ADAMTSL1: variants seen among roughly 807,000 people sequenced by gnomAD.
The protein encoded by ADAMTSL1 is ADAMTS like 1.
Under a neutral mutation model 201.8 loss-of-function variants are expected in ADAMTSL1, and 126 were observed. The observed-to-expected ratio is 0.62, with a 90% CI of 0.54 to 0.72. The LOEUF is 0.72. Ranked by LOEUF, ADAMTSL1 falls within the 30% of genes least tolerant of loss-of-function variation. The pLI is 0.00. For synonymous variants in ADAMTSL1, 1,121 were observed against 903.4 expected (o/e 1.24, Z -4.32); for missense variants, 2,679 against 2,277.8 (o/e 1.18, Z -3.59).
chr9:18,083,948 T>C (rs191494772), intron 1 of ADAMTSL1, among the ~76,000 whole-genome samples: 27 of 152,312 alleles, frequency 1.8e-4, no homozygotes, highest in Non-Finnish European at 2.9e-4. Context: ...CTCTGTACTC[T>C]GGATGAGAGT....
chr9:18,787,985 G>C (rs1253890776), intron 19 of ADAMTSL1, among the ~76,000 whole-genome samples: 2 of 152,174 alleles, frequency 1.3e-5, no homozygotes, highest in South Asian at 4.1e-4. Context: ...AAGAAGACCA[G>C]GGTTAAGAAT....
At chr9:18,145,695 G>A (rs542051443) in intron 1 of ADAMTSL1, among the ~76,000 whole-genome samples, 1 of 152,230 alleles carries the variant, frequency 6.6e-6, no homozygotes, top group African/African-American at 2.4e-5. Context: ...TTGGTGATGA[G>A]TTTTAGATGT....
At chr9:18,144,184 T>C (rs1223507454) in intron 1 of ADAMTSL1, among the ~76,000 whole-genome samples, 2 of 123,022 alleles carry the variant, frequency 1.6e-5, no homozygotes, top group Non-Finnish European at 3.4e-5. Flanking sequence ...TAATAGTATA[T>C]ACATCTTTTT....
At chr9:18,510,292 G>A (rs779631273) in intron 2 of ADAMTSL1, among the ~76,000 whole-genome samples, 30 of 152,182 alleles carry the variant, frequency 2.0e-4, no homozygotes, top group Non-Finnish European at 3.2e-4. Flanking sequence ...TGGACCGGGA[G>A]CTTGTGAGGA....
rs1037718129 is a variant in ADAMTSL1, at chr9:18,905,945, A to G, written c.4961+54A>G. 3.5e-6 allele frequency: 5 copies of G among 1,433,054 alleles called. No homozygotes were observed. The African/African-American group carries it at 7.0e-5, about 20-fold the overall frequency. 88.8% of individuals were successfully genotyped at this position (1,433,054 alleles called of 1,614,324 possible). ...CCAGCCCCATGTCAACAGCACGGAA[A>G]GATGGTGCTGAGTGAATGTTTCTCC... On this transcript the variant is annotated intron_variant, in intron 27 of 28. Transcript: ENST00000380548.
At chr9:18,327,290 A>G (rs906725122) in intron 2 of ADAMTSL1, among the ~76,000 whole-genome samples, 1 of 152,236 alleles carries the variant, frequency 6.6e-6, no homozygotes, top group Non-Finnish European at 1.5e-5. Context: ...ATGTCACACT[A>G]TGGTTATGCT....
At chr9:18,776,700 C>T in intron 18 of ADAMTSL1, 81 bp from the exon 19 acceptor site, 2 of 1,411,664 alleles carry the variant, frequency 1.4e-6, no homozygotes, top group South Asian at 1.5e-5. Context: ...TCCTTTGCCC[C>T]TCTCTCCTGG....
intron 3 of ADAMTSL1, 99 bp downstream of exon 3, chr9:18,533,391 T>G (rs1819560019): frequency 1.1e-6 from 1 of 952,090 alleles, no homozygotes; most frequent in African/African-American, 1.7e-5. Flanking sequence ...CCAACTAGTA[T>G]TTCACTGAGA....
chr9:18,718,194 A>G, intron 14 of ADAMTSL1: 1 of 782,870 alleles, frequency 1.3e-6, no homozygotes, highest in Non-Finnish European at 2.4e-6. Context: ...ACCAACAAGA[A>G]TCATTGGAAC....
intron 2 of ADAMTSL1, among the ~76,000 whole-genome samples, chr9:18,318,233 A>G (rs1834482742): frequency 6.6e-6 from 1 of 152,200 alleles, no homozygotes; most frequent in African/African-American, 2.4e-5. Flanking sequence ...GAGAGAGGTC[A>G]TAGTTTATCT....
chr9:18,703,274 G>A (rs550239872), intron 13 of ADAMTSL1, among the ~76,000 whole-genome samples: 4 of 151,994 alleles, frequency 2.6e-5, no homozygotes, highest in Middle Eastern at 3.2e-3. Flanking sequence ...CACTGACCTC[G>A]CTTCCTCCCA....
chr9:18,363,982 G>A (rs1037853434), intron 2 of ADAMTSL1, among the ~76,000 whole-genome samples: 2 of 152,048 alleles, frequency 1.3e-5, no homozygotes, highest in African/African-American at 4.8e-5. Flanking sequence ...CACAGAACAC[G>A]TGAAGATACT....
At chr9:18,820,218 T>C (rs1458741478) in intron 21 of ADAMTSL1, among the ~76,000 whole-genome samples, 1 of 151,890 alleles carries the variant, frequency 6.6e-6, no homozygotes, top group Non-Finnish European at 1.5e-5. Context: ...TTATGGAGTA[T>C]TTAATCCAGG....
chr9:18,381,097 C>T (rs1587022443), intron 2 of ADAMTSL1, among the ~76,000 whole-genome samples: 1 of 152,274 alleles, frequency 6.6e-6, no homozygotes, highest in East Asian at 1.9e-4. Flanking sequence ...AAATGAAATG[C>T]ACTTGAATGG....
chr9:18,839,984 T>C (rs1338528272), intron 23 of ADAMTSL1, among the ~76,000 whole-genome samples: 2 of 150,470 alleles, frequency 1.3e-5, no homozygotes, highest in African/African-American at 4.9e-5. Context: ...ATTTTGTAGG[T>C]TGCCTGTTCA....
At chr9:17,995,592 G>A (rs1200509645) in intron 1 of ADAMTSL1, among the ~76,000 whole-genome samples, 2 of 152,022 alleles carry the variant, frequency 1.3e-5, no homozygotes, top group Admixed American at 6.6e-5. Context: ...ATTTACTTCA[G>A]CTTTATTATT....
chr9:18,693,113 T>G (rs1831332894), intron 13 of ADAMTSL1, among the ~76,000 whole-genome samples: 1 of 152,234 alleles, frequency 6.6e-6, no homozygotes, highest in Non-Finnish European at 1.5e-5. Context: ...TTTGGGTTTC[T>G]CTAACCTAGG....
intron 2 of ADAMTSL1, among the ~76,000 whole-genome samples, chr9:18,528,403 C>G (rs944700544): frequency 6.6e-6 from 1 of 152,098 alleles, no homozygotes; most frequent in African/African-American, 2.4e-5. Flanking sequence ...TACACGTGTT[C>G]TCACCCCTCA....
At chr9:18,516,205 T>C (rs1388988257) in intron 2 of ADAMTSL1, among the ~76,000 whole-genome samples, 1 of 152,162 alleles carries the variant, frequency 6.6e-6, no homozygotes, top group African/African-American at 2.4e-5. Context: ...TCTGACCCTG[T>C]TTTCCTTAGT....
Sources: allele counts gnomAD v4.1 joint callset (sites outside exome capture counted in the v4.1 genomes callset), GRCh38; gene constraint gnomAD v4.1.1; transcripts MANE v1.5; gene names NCBI Gene and HGNC (gene_info 2026-07-23, HGNC 2026-07-21).